Variants in GSK3B observed in about 807,000 individuals in gnomAD.
GSK3B encodes the protein glycogen synthase kinase-3 beta.
A neutral mutation model predicts 56.4 loss-of-function variants in GSK3B; 15 were observed. The observed-to-expected ratio is 0.27, with a 90% CI of 0.18 to 0.41. The LOEUF is 0.41. GSK3B is among the 10% of genes least tolerant of loss of function. GSK3B has a pLI of 1.00. For synonymous variants in GSK3B, 181 were observed against 188.9 expected (o/e 0.96, Z 0.34); for missense variants, 300 against 513.4 (o/e 0.58, Z 4.02).
intron 1 of GSK3B, among the ~76,000 whole-genome samples, chr3:120,071,279 ATC>A (rs1174795951): frequency 6.6e-6 from 1 of 152,206 alleles, no homozygotes; most frequent in Non-Finnish European, 1.5e-5. Flanking sequence ...TTTATCTACT[ATC>A]TAGTTCCCAT....
In GSK3B at chr3:119,912,636, T is replaced by A. The variant is rs1432079238; in HGVS notation, c.715+68A>T. On this transcript the variant is annotated intron_variant, in intron 6 of 10. Transcript: ENST00000264235. ...CCATGGAAATAAAAGTACAGATTAG[T>A]AGTACTAAATTACCAAAATCAAGAA... The A allele has an allele frequency of 4.5e-6, 3 of 664,768 alleles. No homozygotes were observed. In the African/African-American group the frequency reaches 5.3e-5, roughly 12 times the overall value. 41.2% of individuals were successfully genotyped at this position (664,768 alleles called of 1,614,324 possible).
chr3:120,082,012 G>A (rs556239427), intron 1 of GSK3B, among the ~76,000 whole-genome samples: 7 of 152,164 alleles, frequency 4.6e-5, no homozygotes, highest in African/African-American at 9.6e-5. Context: ...AAAATTCCAC[G>A]GAGGCCAAGG....
At chr3:119,853,947 C>T (rs191337283) in intron 9 of GSK3B, among the ~76,000 whole-genome samples, 2 of 152,192 alleles carry the variant, frequency 1.3e-5, no homozygotes, top group Non-Finnish European at 2.9e-5. Flanking sequence ...CCAGAACTTC[C>T]AACGCTATGT....
intron 6 of GSK3B, among the ~76,000 whole-genome samples, chr3:119,907,122 A>G (rs1257646898): frequency 1.1e-4 from 17 of 152,140 alleles, no homozygotes; most frequent in Admixed American, 1.1e-3. Flanking sequence ...GTCAAGCGGA[A>G]AAGATGTATC....
chr3:119,922,549 T>C (rs1420505183), intron 4 of GSK3B, among the ~76,000 whole-genome samples: 1 of 149,552 alleles, frequency 6.7e-6, no homozygotes, highest in African/African-American at 2.4e-5. Flanking sequence ...TATTAGCTTA[T>C]GCAAAATCCA....
intron 1 of GSK3B, among the ~76,000 whole-genome samples, chr3:120,032,488 A>C (rs1363447845): frequency 6.6e-6 from 1 of 152,056 alleles, no homozygotes; most frequent in Non-Finnish European, 1.5e-5. Context: ...AAAAAAAAAA[A>C]AATTAATTTC....
chr3:119,922,625 T>C (rs1373910373), intron 4 of GSK3B, among the ~76,000 whole-genome samples: 1 of 151,444 alleles, frequency 6.6e-6, no homozygotes. Flanking sequence ...AAGCTTAAAT[T>C]TTTAACAAGA....
At chr3:120,013,741 CA>C (rs1291820235) in intron 1 of GSK3B, among the ~76,000 whole-genome samples, 27 of 151,898 alleles carry the variant, frequency 1.8e-4, no homozygotes, top group Admixed American at 1.3e-3. Context: ...AAATAACACA[CA>C]GCTATTTTTA....
At chr3:120,077,585 TTAA>T (rs1235479703) in intron 1 of GSK3B, among the ~76,000 whole-genome samples, 2 of 152,074 alleles carry the variant, frequency 1.3e-5, no homozygotes, top group African/African-American at 2.4e-5. Flanking sequence ...AAGACTATAG[TTAA>T]TAATAGTGTA....
At chr3:119,949,793 C>CAAAAAA (rs927567102) in intron 2 of GSK3B, among the ~76,000 whole-genome samples, 6 of 62,300 alleles carry the variant, frequency 9.6e-5, no homozygotes, top group Admixed American at 3.9e-4. Context: ...GACTCCGTCT[C>CAAAAAA]AAAAAAAAAA....
intron 1 of GSK3B, among the ~76,000 whole-genome samples, chr3:120,076,283 T>C (rs979831574): frequency 5.3e-5 from 8 of 152,196 alleles, no homozygotes; most frequent in African/African-American, 1.9e-4. Flanking sequence ...AGAAATCTCC[T>C]TGACATTGGT....
intron 3 of GSK3B, among the ~76,000 whole-genome samples, chr3:119,946,275 T>C (rs1190766602): frequency 6.6e-6 from 1 of 152,162 alleles, no homozygotes; most frequent in Admixed American, 6.5e-5. Context: ...GTAAAAAGAC[T>C]TTCTATGGAA....
chr3:119,997,913 T>G (rs769094796), intron 2 of GSK3B, among the ~76,000 whole-genome samples: 3 of 152,174 alleles, frequency 2.0e-5, no homozygotes, highest in Non-Finnish European at 2.9e-5. Context: ...TTAAGTTATA[T>G]TACTACTTTA....
intron 8 of GSK3B, among the ~76,000 whole-genome samples, chr3:119,875,126 G>C (rs958583762): frequency 2.6e-5 from 4 of 152,050 alleles, no homozygotes; most frequent in African/African-American, 9.7e-5. Flanking sequence ...TGTTGGCCAG[G>C]TTGTAGTAAA....
intron 4 of GSK3B, among the ~76,000 whole-genome samples, chr3:119,922,417 T>TTGATATA (rs2107464860): frequency 6.8e-6 from 1 of 147,990 alleles, no homozygotes; most frequent in East Asian, 1.9e-4. Flanking sequence ...GTATATATAG[T>TTGATATA]TTATATATTA....
intron 2 of GSK3B, among the ~76,000 whole-genome samples, chr3:119,999,894 G>GT (rs1412798647): frequency 6.6e-6 from 1 of 152,186 alleles, no homozygotes; most frequent in Non-Finnish European, 1.5e-5. Flanking sequence ...AAGTTTCTGC[G>GT]TACACAAGTA....
In GSK3B at chr3:119,863,557, G is replaced by A. The variant is rs1417772341; in HGVS notation, c.958C>T (p.Leu320=). 1 of 1,613,744 alleles carries A rather than the reference G, an allele frequency of 6.2e-7. No individual in the cohort carries two copies. Among genetic ancestry groups the A allele is most frequent in the Non-Finnish European group, 8.5e-7 (1 of 1,179,644 alleles). The change falls in exon 9 of 11, where the codon CTG becomes TTG. Residue 320 remains leucine, a synonymous_variant. Transcript: ENST00000264235. ...PPEAIALCSR[L]LEYTPTARLT... ...CGGGCAGTTGGTGTATACTCCAGCA[G>A]ACGGCTACACAGTGCAATTGCCTCC... is the stretch of plus-strand genomic sequence containing the variant.
chr3:119,885,749 C>G (rs548956099), intron 7 of GSK3B, among the ~76,000 whole-genome samples: 1 of 152,012 alleles, frequency 6.6e-6, no homozygotes, highest in East Asian at 1.9e-4. Flanking sequence ...AATAAAGCCA[C>G]ACACAGCCAT....
intron 7 of GSK3B, among the ~76,000 whole-genome samples, chr3:119,877,661 C>G (rs1366227281): frequency 6.6e-6 from 1 of 152,020 alleles, no homozygotes; most frequent in Admixed American, 6.6e-5. Context: ...ATGTTAGGAC[C>G]TTTGGAGGAT....
Sources: allele counts gnomAD v4.1 joint callset (sites outside exome capture counted in the v4.1 genomes callset), GRCh38; gene constraint gnomAD v4.1.1; transcripts MANE v1.5; gene names NCBI Gene and HGNC (gene_info 2026-07-23, HGNC 2026-07-21).